The following ARHGEF10 variants were observed in gnomAD, a reference collection of about 807,000 sequenced individuals.
ARHGEF10 encodes Rho guanine nucleotide exchange factor (GEF) 10.
Under a neutral mutation model 147.4 loss-of-function variants are expected in ARHGEF10, and 140 were observed. The observed-to-expected ratio is 0.95, with a 90% CI of 0.83 to 1.09. The LOEUF (loss-of-function observed/expected upper bound fraction) is 1.09, where lower values mean the gene tolerates loss of function less well. Among genes scored for constraint, ARHGEF10 ranks in the 50% least tolerant of loss-of-function variants. The pLI is 0.00. For synonymous variants in ARHGEF10, 902 were observed against 695.8 expected (o/e 1.30, Z -4.67); for missense variants, 2,222 against 1,752.7 (o/e 1.27, Z -4.78).
intron 7 of ARHGEF10, among the ~76,000 whole-genome samples, chr8:1,873,479 GC>G (rs60958354): frequency 0.098 from 8,742 of 88,946 alleles, 199 homozygotes; most frequent in East Asian, 0.23. Flanking sequence ...GTTGAGAGGC[GC>G]CCGCGGGGTA....
chr8:1,876,338 T>C (rs1006376274), intron 7 of ARHGEF10: 2 of 584,744 alleles, frequency 3.4e-6, no homozygotes, highest in Admixed American at 5.9e-5. Flanking sequence ...GCAGGGGCAC[T>C]TGTGAGAAAC....
intron 18 of ARHGEF10, among the ~76,000 whole-genome samples, chr8:1,909,724 G>T (rs1811216627): frequency 6.6e-6 from 1 of 152,244 alleles, no homozygotes; most frequent in Non-Finnish European, 1.5e-5. Flanking sequence ...CCAGTCAGAA[G>T]TGGATTCCGT....
intron 2 of ARHGEF10, among the ~76,000 whole-genome samples, chr8:1,844,586 C>T (rs1051379601): frequency 7.2e-5 from 11 of 152,064 alleles, no homozygotes; most frequent in African/African-American, 1.2e-4. Context: ...TGGAGTTCTC[C>T]GGAGCCGCAA....
intron 17 of ARHGEF10, among the ~76,000 whole-genome samples, chr8:1,907,447 C>T (rs921799655): frequency 3.9e-5 from 6 of 152,146 alleles, no homozygotes; most frequent in Non-Finnish European, 7.3e-5. Context: ...ACCTTGTAAA[C>T]GGCAAAGTCC....
At chr8:1,923,216 C>G in intron 19 of ARHGEF10, 137 bp downstream of exon 19, 3 of 876,396 alleles carry the variant, frequency 3.4e-6, no homozygotes, top group South Asian at 1.6e-5. Context: ...TACATTTTCT[C>G]TTACGTTAGA....
chr8:1,837,166 G>T (rs1476248835), intron 1 of ARHGEF10, among the ~76,000 whole-genome samples: 1 of 152,238 alleles, frequency 6.6e-6, no homozygotes, highest in East Asian at 1.9e-4. Context: ...CTTGTGTATG[G>T]GTCAGGATGC....
At chr8:1,887,339 C>G (rs1005449276) in intron 11 of ARHGEF10, among the ~76,000 whole-genome samples, 3 of 152,248 alleles carry the variant, frequency 2.0e-5, no homozygotes, top group Admixed American at 6.5e-5. Context: ...ACACATGGCC[C>G]AAGCCAAGAC....
intron 27 of ARHGEF10, among the ~76,000 whole-genome samples, chr8:1,947,834 C>G (rs1814720568): frequency 6.8e-6 from 1 of 146,450 alleles, no homozygotes; most frequent in African/African-American, 2.5e-5. Flanking sequence ...TCCTGTATGG[C>G]AGGTTCTTGA....
chr8:1,956,668 GT>G (rs750408597), intron 28 of ARHGEF10, 80 bp from the exon 29 acceptor site: 7 of 1,529,970 alleles, frequency 4.6e-6, no homozygotes, highest in Non-Finnish European at 6.3e-6. Context: ...ATGCGTTGGG[GT>G]TAAGCCCTGC....
At chr8:1,855,374 C>T (rs1311822199) in intron 2 of ARHGEF10, among the ~76,000 whole-genome samples, 1 of 151,506 alleles carries the variant, frequency 6.6e-6, no homozygotes, top group East Asian at 1.9e-4. Context: ...TTGGGGTGGT[C>T]AGAACAGAAA....
intron 8 of ARHGEF10, among the ~76,000 whole-genome samples, chr8:1,879,470 T>C (rs763419731): frequency 6.6e-6 from 1 of 152,196 alleles, no homozygotes; most frequent in Non-Finnish European, 1.5e-5. Context: ...CATTTGCTCC[T>C]GTCTAGCACA....
At chr8:1,859,020 G>A (rs925965110) in intron 3 of ARHGEF10, among the ~76,000 whole-genome samples, 8 of 150,706 alleles carry the variant, frequency 5.3e-5, no homozygotes, top group South Asian at 2.1e-4. Context: ...CCAGCCTCTC[G>A]GTTGTTTGCC....
intron 27 of ARHGEF10, among the ~76,000 whole-genome samples, chr8:1,950,486 C>G (rs144870741): frequency 6.6e-6 from 1 of 152,276 alleles, no homozygotes; most frequent in South Asian, 2.1e-4. Flanking sequence ...TAAAAACATT[C>G]ATATCGGGTT....
At chr8:1,839,574 G>C (rs1326828507) in intron 1 of ARHGEF10, among the ~76,000 whole-genome samples, 1 of 133,166 alleles carries the variant, frequency 7.5e-6, no homozygotes, top group African/African-American at 3.1e-5. Context: ...GGAGTGTCTG[G>C]TGTGGAAGCT....
At chr8:1,857,190 A>G (rs1358269459) in intron 2 of ARHGEF10, among the ~76,000 whole-genome samples, 1 of 152,178 alleles carries the variant, frequency 6.6e-6, no homozygotes, top group East Asian at 1.9e-4. Flanking sequence ...TGATTTTCTA[A>G]CCATCAGAGA....
intron 21 of ARHGEF10, among the ~76,000 whole-genome samples, chr8:1,924,856 T>G (rs1812565233): frequency 6.6e-6 from 1 of 152,234 alleles, no homozygotes; most frequent in South Asian, 2.1e-4. Context: ...ATTTCTCCAT[T>G]TTGTTGTACT....
intron 23 of ARHGEF10, 172 bp downstream of exon 23, chr8:1,926,635 A>G: frequency 1.4e-6 from 1 of 699,772 alleles, no homozygotes; most frequent in Non-Finnish European, 2.6e-6. Context: ...CACTTTTGGA[A>G]AAGATTTACA....
chr8:1,845,428 G>GT (rs1185235969), intron 2 of ARHGEF10, among the ~76,000 whole-genome samples: 2 of 152,190 alleles, frequency 1.3e-5, no homozygotes, highest in Non-Finnish European at 2.9e-5. Flanking sequence ...CCACACACAT[G>GT]TAAGATGGCA....
intron 13 of ARHGEF10, among the ~76,000 whole-genome samples, chr8:1,895,671 A>G (rs560567032): frequency 1.3e-5 from 2 of 152,248 alleles, no homozygotes; most frequent in Non-Finnish European, 2.9e-5. Context: ...TTAAAGAAAT[A>G]GAATTTTGAT....
Sources: gnomAD v4.1 joint callset for allele counts (sites outside exome capture counted in the v4.1 genomes callset) on GRCh38, gnomAD v4.1.1 for gene constraint, MANE v1.5 for transcripts, NCBI Gene and HGNC (gene_info 2026-07-23, HGNC 2026-07-21) for gene names.